The following PDE1A variants were observed in gnomAD, a reference collection of about 807,000 sequenced individuals.
PDE1A encodes phosphodiesterase 1A.
In PDE1A, 35 loss-of-function variants were observed where a neutral mutation model predicts 61.7. The observed-to-expected ratio is 0.57, with a 90% CI of 0.43 to 0.75. PDE1A has a LOEUF of 0.75. Ranked by LOEUF, PDE1A falls within the 30% of genes least tolerant of loss-of-function variation. The pLI is 0.00. For missense variants in PDE1A, 597 were observed against 630.6 expected (o/e 0.95, Z 0.57); for synonymous variants, 232 against 213.2 (o/e 1.09, Z -0.77).
At chr2:182,342,840 C>T (rs1049880225) in intron 1 of PDE1A, among the ~76,000 whole-genome samples, 1 of 152,190 alleles carries the variant, frequency 6.6e-6, no homozygotes, top group Non-Finnish European at 1.5e-5. Flanking sequence ...TAGACTCTTT[C>T]ATACCTATAA....
rs1685202457 is a variant in PDE1A, at chr2:182,186,323, A to G, written c.1328+145T>C. 6.2e-6 allele frequency: 6 copies of G among 972,212 alleles called. No homozygotes were observed. In the Admixed American group the frequency reaches 1.3e-4, roughly 22 times the overall value. 60.2% of individuals were successfully genotyped at this position (972,212 alleles called of 1,614,324 possible). A position where few individuals can be genotyped will look rare whatever the true frequency, so the allele number is the denominator to read the frequency against. On this transcript the variant is annotated intron_variant, in intron 12 of 13. Transcript: ENST00000351439. ...ACTTCAGTTGTCAAAGGCAGATGCA[A>G]TATAATATAAAGCCACTAGGTGGCA...
rs1241214087 is a variant in PDE1A at position 182,247,646 on chromosome 2, G to A, written c.168-7354C>T. On this transcript the variant is annotated intron_variant, in intron 2 of 13. Transcript: ENST00000351439. ...CATCTGACCACGCTAGACAGTGCAGGAACAAAAACTATAATGTAATATGGA... is the reference window on the plus strand; with the variant it reads ...CATCTGACCACGCTAGACAGTGCAGAAACAAAAACTATAATGTAATATGGA... 2.6e-5 allele frequency among the ~76,000 whole-genome samples: 4 copies of A among 152,054 alleles called. No individual in the cohort carries two copies. The East Asian group carries it at 5.8e-4, about 22-fold the overall frequency.
the PDE1A span, among the ~76,000 whole-genome samples, chr2:182,685,085 T>C: frequency 6.7e-6 from 1 of 150,006 alleles, no homozygotes; most frequent in East Asian, 1.9e-4. Flanking sequence ...TCAGAGTATA[T>C]ATAAATATAT....
chr2:182,279,646 A>ACAT (rs1338850845), intron 1 of PDE1A, among the ~76,000 whole-genome samples: 3 of 151,888 alleles, frequency 2.0e-5, no homozygotes, highest in African/African-American at 7.2e-5. Flanking sequence ...CACTTTTAAA[A>ACAT]CATCTTTATT....
rs555875092 is a variant in PDE1A at position 182,250,066 on chromosome 2, T to C, written c.168-9774A>G. Among the ~76,000 whole-genome samples the C allele has an allele frequency of 5.3e-5, 8 of 152,344 alleles. No homozygotes were observed. The South Asian group carries it at 1.4e-3, about 28-fold the overall frequency. ...TGTCTGGTTTCAGGGTCTGAGTTAC[T>C]GATTGATAAGTTATCCTCCACTTTA... On this transcript the variant is annotated intron_variant, in intron 2 of 13. Coordinates refer to ENST00000351439, the Ensembl canonical transcript of PDE1A.
chr2:182,473,878 CCTGT>C lies in PDE1A; in HGVS notation c.101+48394_101+48397del, dbSNP rs563629297. ...TATATATGTGCCACCTTTTCTTTAT[CCTGT>C]CTATCACGATGGGCATTTAGGTTGA... On this transcript the variant is annotated intron_variant, in intron 2 of 14. Transcript: ENST00000410103. Among the ~76,000 whole-genome samples the C allele has an allele frequency of 2.4e-3, 358 of 152,080 alleles. 2 individuals carry two copies. Among genetic ancestry groups the C allele is most frequent in the African/African-American group, 8.1e-3 (336 of 41,516 alleles).
intron 4 of PDE1A, 151 bp from the exon 5 acceptor site, chr2:182,231,282 C>T (rs985801101): frequency 1.6e-5 from 10 of 607,008 alleles, no homozygotes; most frequent in Admixed American, 2.8e-5. Flanking sequence ...AGGACAGGAC[C>T]ACTTAGTATC....
chr2:182,240,293 C>T lies in PDE1A; in HGVS notation c.168-1G>A, dbSNP rs1690398524. The T allele has an allele frequency of 3.3e-6, 5 of 1,528,294 alleles. No homozygotes were observed. The highest frequency in any genetic ancestry group is 3.5e-6 in the Non-Finnish European group (4 of 1,140,252). 94.7% of individuals were successfully genotyped at this position (1,528,294 alleles called of 1,614,324 possible). A position where few individuals can be genotyped will look rare whatever the true frequency, so the allele number is the denominator to read the frequency against. ...CTCATCTTCAGTATCCAGAAGTCTT[C>T]TACAAAAATTTATACAGATTAAACT... On this transcript the variant is annotated splice_acceptor_variant, in intron 2 of 13. Transcript: ENST00000351439. LOFTEE classifies it high-confidence loss of function.
chr2:182,273,096 A>G (rs1181484319), intron 1 of PDE1A, among the ~76,000 whole-genome samples: 2 of 152,142 alleles, frequency 1.3e-5, no homozygotes, highest in Non-Finnish European at 2.9e-5. Context: ...GGAAATATAA[A>G]TCTTCCTCCA....
chr2:182,515,939 CGTGTGTGTGTGTTTCTGTGTGTGT>C (rs1163392589), intron 2 of PDE1A, among the ~76,000 whole-genome samples: 1 of 107,984 alleles, frequency 9.3e-6, no homozygotes, highest in Admixed American at 1.0e-4. Context: ...AGGGATTGTG[CGTGTGTGTGTGTTTCTGTGTGTGT>C]GTGTGTGTGT....
rs866955681 is a variant in PDE1A at position 182,312,282 on chromosome 2, C to A, written c.54-47868G>T. 3.3e-5 allele frequency among the ~76,000 whole-genome samples: 5 copies of A among 151,994 alleles called. No homozygotes were observed. The South Asian group carries it at 6.2e-4, about 19-fold the overall frequency. On this transcript the variant is annotated intron_variant, in intron 1 of 13. Coordinates refer to ENST00000351439, the Ensembl canonical transcript of PDE1A. ...TGTACAATGTCTTTCAAGGAGCAAACCTTTGTGGTTTTTAAATAGTTAATG... is the reference window on the plus strand; with the variant it reads ...TGTACAATGTCTTTCAAGGAGCAAAACTTTGTGGTTTTTAAATAGTTAATG...
At chr2:182,361,669 A>T (rs1699520135) in intron 1 of PDE1A, among the ~76,000 whole-genome samples, 1 of 152,064 alleles carries the variant, frequency 6.6e-6, no homozygotes, top group African/African-American at 2.4e-5. Context: ...ATTATGTTTT[A>T]AATTGCTCAC....
chr2:182,648,511 C>CAAAAAAAAAA, the PDE1A span, among the ~76,000 whole-genome samples: 13 of 76,202 alleles, frequency 1.7e-4, no homozygotes, highest in South Asian at 4.6e-4. Context: ...CCTGTCCCCA[C>CAAAAAAAAAA]AAAAAAAAAA....
chr2:182,633,731 T>G, the PDE1A span, among the ~76,000 whole-genome samples: 1 of 152,014 alleles, frequency 6.6e-6, no homozygotes, highest in Non-Finnish European at 1.5e-5. Flanking sequence ...GAACATTACA[T>G]TCTTCCAAAA....
chr2:182,512,955 G>T (rs1163286344), intron 2 of PDE1A, among the ~76,000 whole-genome samples: 1 of 152,122 alleles, frequency 6.6e-6, no homozygotes, highest in Non-Finnish European at 1.5e-5. Context: ...AGATTATTTA[G>T]AAACCAAACC....
chr2:182,277,702 C>T (rs996885721), intron 1 of PDE1A, among the ~76,000 whole-genome samples: 3 of 152,092 alleles, frequency 2.0e-5, no homozygotes, highest in Non-Finnish European at 4.4e-5. Flanking sequence ...TAGAGAGCTA[C>T]TGGGTGCAAG....
the PDE1A span, among the ~76,000 whole-genome samples, chr2:182,570,102 G>A: frequency 2.0e-5 from 3 of 152,054 alleles, no homozygotes; most frequent in African/African-American, 7.2e-5. Flanking sequence ...ACACAAAATT[G>A]TCTCTATCTT....
rs1339970952 is a variant in PDE1A, at chr2:182,488,629, G to A, written c.101+33647C>T. 2.6e-5 allele frequency among the ~76,000 whole-genome samples: 4 copies of A among 152,250 alleles called. No individual in the cohort carries two copies. In the East Asian group the frequency reaches 7.7e-4, roughly 29 times the overall value. On this transcript the variant is annotated intron_variant, in intron 2 of 14. Transcript: ENST00000410103. ...ACTGAAGCCTTCTGCAAAATTAACA[G>A]TTTTTGAAAATTGTAAATACATGAA...
chr2:182,256,038 C>CTTT (rs755211798), intron 2 of PDE1A, among the ~76,000 whole-genome samples: 22 of 92,328 alleles, frequency 2.4e-4, no homozygotes, highest in East Asian at 6.7e-4. Flanking sequence ...AGGATGACTT[C>CTTT]TTTTTTTTTT....
Sources: allele counts gnomAD v4.1 joint callset (sites outside exome capture counted in the v4.1 genomes callset), GRCh38; gene constraint gnomAD v4.1.1; transcripts MANE v1.5; gene names NCBI Gene and HGNC (gene_info 2026-07-23, HGNC 2026-07-21).